Variants in CHCHD3 observed in about 807,000 individuals in gnomAD.
The protein encoded by CHCHD3 is MICOS complex subunit MIC19.
A neutral mutation model predicts 38.2 loss-of-function variants in CHCHD3; 20 were observed. That is an observed-to-expected ratio of 0.52 (90% confidence interval 0.37 to 0.76). The LOEUF is 0.76. CHCHD3 is among the 30% of genes least tolerant of loss of function. The probability of loss-of-function intolerance (pLI) is 0.00; values close to 1 mark genes in which losing one functional copy is unlikely to be tolerated. For missense variants in CHCHD3, 245 were observed against 279.2 expected (o/e 0.88, Z 0.87); for synonymous variants, 82 against 100.0 (o/e 0.82, Z 1.07).
intron 4 of CHCHD3, among the ~76,000 whole-genome samples, chr7:132,956,796 A>T (rs1298622641): frequency 3.9e-5 from 6 of 152,202 alleles, no homozygotes; most frequent in Admixed American, 3.9e-4. Flanking sequence ...CTATCTAGGA[A>T]GTTATGACAT....
At chr7:132,848,110 G>C (rs182513461) in intron 5 of CHCHD3, among the ~76,000 whole-genome samples, 111 of 152,290 alleles carry the variant, frequency 7.3e-4, no homozygotes, top group African/African-American at 2.6e-3. Flanking sequence ...AGGTGAGACT[G>C]TCCTGTGTCT....
intron 5 of CHCHD3, among the ~76,000 whole-genome samples, chr7:132,866,418 C>G (rs1782411884): frequency 6.6e-6 from 1 of 152,162 alleles, no homozygotes; most frequent in Non-Finnish European, 1.5e-5. Flanking sequence ...AATTAAGTAA[C>G]TCAGCATTGC....
chr7:132,937,563 C>T (rs920603328), intron 4 of CHCHD3, among the ~76,000 whole-genome samples: 2 of 152,108 alleles, frequency 1.3e-5, no homozygotes, highest in South Asian at 2.1e-4. Flanking sequence ...TTCAAAGACT[C>T]CTGGTAAAGT....
chr7:132,920,468 A>G (rs1810233064), intron 4 of CHCHD3, among the ~76,000 whole-genome samples: 1 of 152,168 alleles, frequency 6.6e-6, no homozygotes, highest in African/African-American at 2.4e-5. Flanking sequence ...TCTGACATGC[A>G]AGTCCCCCAA....
intron 5 of CHCHD3, among the ~76,000 whole-genome samples, chr7:132,861,718 C>T (rs1808494717): frequency 1.3e-5 from 2 of 152,214 alleles, no homozygotes; most frequent in South Asian, 4.1e-4. Flanking sequence ...ACAATACACA[C>T]ATAAATGAGC....
chr7:132,819,286 C>T (rs2117064391), intron 6 of CHCHD3, among the ~76,000 whole-genome samples: 1 of 152,320 alleles, frequency 6.6e-6, no homozygotes, highest in Middle Eastern at 3.4e-3. Context: ...AAATTCAGAG[C>T]TATATTAGAT....
chr7:132,785,418 G>C lies in CHCHD3; in HGVS notation c.*219C>G, dbSNP rs994263527. On this transcript the variant is annotated 3_prime_UTR_variant, in exon 8 of 8. Coordinates refer to ENST00000262570, the MANE Select transcript of CHCHD3 (RefSeq NM_017812.4). ...CATAAGAGGGTTTACTAATACTCAA[G>C]AGTGTCCTTTAATGACTGATCCCTG... 4 of 603,844 alleles carry C rather than the reference G, an allele frequency of 6.6e-6. No individual in the cohort carries two copies. The African/African-American group carries it at 7.5e-5, about 11-fold the overall frequency. 37.4% of individuals were successfully genotyped at this position (603,844 alleles called of 1,614,324 possible). A position where few individuals can be genotyped will look rare whatever the true frequency, so the allele number is the denominator to read the frequency against.
chr7:132,796,027 GT>G lies in CHCHD3; in HGVS notation c.660+414del, dbSNP rs142998824. Among the ~76,000 whole-genome samples, 59 of 148,742 alleles carry G rather than the reference GT, an allele frequency of 4.0e-4. 1 individual carries two copies. In the East Asian group the frequency reaches 0.011, roughly 27 times the overall value. ...GACAGTGACTGAACGGTGGTGTTTT[GT>G]TTTTTTTTTAACCTGGCCCTCTGCC... is the stretch of plus-strand genomic sequence containing the variant. On this transcript the variant is annotated intron_variant, in intron 7 of 7. Coordinates refer to ENST00000262570, the MANE Select transcript of CHCHD3 (RefSeq NM_017812.4).
intron 5 of CHCHD3, among the ~76,000 whole-genome samples, chr7:132,842,901 T>TGC (rs1305369086): frequency 6.6e-6 from 1 of 152,220 alleles, no homozygotes; most frequent in Non-Finnish European, 1.5e-5. Context: ...ATTGATATCT[T>TGC]GCAGGAGATA....
intron 6 of CHCHD3, among the ~76,000 whole-genome samples, chr7:132,799,293 G>A (rs1806716813): frequency 6.6e-6 from 1 of 152,112 alleles, no homozygotes. Context: ...TGAGATTGCT[G>A]TCTAACATTA....
chr7:133,025,356 C>T (rs970216059), intron 2 of CHCHD3, among the ~76,000 whole-genome samples: 5 of 152,186 alleles, frequency 3.3e-5, no homozygotes, highest in Admixed American at 6.5e-5. Flanking sequence ...ATTTCACACA[C>T]GTCTTTAAGA....
At chr7:133,034,796 C>T (rs1813611984) in intron 2 of CHCHD3, 2 of 1,612,512 alleles carry the variant, frequency 1.2e-6, no homozygotes, top group East Asian at 4.5e-5. Context: ...CTCGGAAGAC[C>T]CAGACTCCAG....
intron 3 of CHCHD3, among the ~76,000 whole-genome samples, chr7:133,008,867 T>C (rs970658294): frequency 1.3e-4 from 19 of 151,796 alleles, no homozygotes; most frequent in African/African-American, 3.9e-4. Context: ...CCCTGACTGG[T>C]GAATTTGTTG....
intron 2 of CHCHD3, among the ~76,000 whole-genome samples, chr7:133,055,711 G>C (rs917821927): frequency 4.6e-5 from 7 of 150,818 alleles, no homozygotes; most frequent in African/African-American, 1.7e-4. Flanking sequence ...GAAAAATATA[G>C]ATAAAATGTC....
chr7:132,948,642 C>T (rs1214997594), intron 4 of CHCHD3, among the ~76,000 whole-genome samples: 5 of 152,118 alleles, frequency 3.3e-5, no homozygotes, highest in Non-Finnish European at 7.4e-5. Flanking sequence ...GTTCAAGTAA[C>T]ACATGTCTAC....
chr7:132,862,514 G>A (rs1457920211), intron 5 of CHCHD3, among the ~76,000 whole-genome samples: 1 of 152,182 alleles, frequency 6.6e-6, no homozygotes, highest in Non-Finnish European at 1.5e-5. Context: ...CCTTCAGCAA[G>A]TCACACTGGT....
At chr7:132,796,019 G>T (rs1806601637) in intron 7 of CHCHD3, among the ~76,000 whole-genome samples, 1 of 149,900 alleles carries the variant, frequency 6.7e-6, no homozygotes, top group African/African-American at 2.4e-5. Context: ...ACTGAACGGT[G>T]GTGTTTTGTT....
At chr7:132,883,526 T>C (rs1809125383) in intron 5 of CHCHD3, among the ~76,000 whole-genome samples, 2 of 152,106 alleles carry the variant, frequency 1.3e-5, no homozygotes, top group African/African-American at 4.8e-5. Context: ...AGTACCTGTT[T>C]TTGGTTTTAC....
At chr7:133,081,818 G>C in intron 1 of CHCHD3, 39 bp downstream of exon 1, 1 of 1,545,902 alleles carries the variant, frequency 6.5e-7, no homozygotes, top group Non-Finnish European at 8.8e-7. Flanking sequence ...TGGGGTCCGA[G>C]TCCAACCACT....
Sources: gnomAD v4.1 joint callset for allele counts (sites outside exome capture counted in the v4.1 genomes callset) on GRCh38, gnomAD v4.1.1 for gene constraint, MANE v1.5 for transcripts, NCBI Gene and HGNC (gene_info 2026-07-23, HGNC 2026-07-21) for gene names.